NUDT19: variants seen among roughly 807,000 people sequenced by gnomAD.
NUDT19 encodes the protein acyl-coenzyme A diphosphatase NUDT19.
NUDT19 carries 31 observed loss-of-function variants against 22.2 expected under a neutral mutation model. The ratio of observed to expected loss-of-function variants is 1.40; its 90% CI spans 1.05 to 1.89. The LOEUF (loss-of-function observed/expected upper bound fraction) is 1.89, where lower values mean the gene tolerates loss of function less well. NUDT19 is among the 40% of genes most tolerant of loss of function. NUDT19 has a pLI of 0.00. For missense variants in NUDT19, 752 were observed against 514.2 expected (o/e 1.46, Z -4.47); for synonymous variants, 325 against 230.8 (o/e 1.41, Z -3.70).
At chr19:32,692,811 C>T in intron 1 of NUDT19, 137 bp downstream of exon 1, 2 of 602,134 alleles carry the variant, frequency 3.3e-6, no homozygotes, top group Middle Eastern at 4.6e-4. Flanking sequence ...CTTAGACGGG[C>T]TGGAAACTCT....
chr19:32,709,431 C>T (rs749858504), intron 2 of NUDT19, 39 bp downstream of exon 2: 50 of 1,528,144 alleles, frequency 3.3e-5, no homozygotes, highest in Admixed American at 2.3e-4. Flanking sequence ...TTAGTATTCA[C>T]ATTCAGTGCC....
intron 2 of NUDT19, among the ~76,000 whole-genome samples, chr19:32,710,990 C>A (rs564708483): frequency 1.3e-5 from 2 of 152,136 alleles, no homozygotes; most frequent in East Asian, 3.9e-4. Context: ...AAGAACAGCC[C>A]ACTTTGAAAC....
rs905136479 is a variant in NUDT19, at chr19:32,712,247, T to G, written c.*290T>G. On this transcript the variant is annotated 3_prime_UTR_variant, in exon 3 of 3. Transcript: ENST00000397061. ...CCGCCACCATGCCCAGCTAATTTTT[T>G]TTTGTATTTTTAGTAGAGACGGGTT... is the stretch of plus-strand genomic sequence containing the variant. 7.5e-6 allele frequency: 2 copies of G among 266,816 alleles called. No individual in the cohort carries two copies. Among genetic ancestry groups the G allele is most frequent in the African/African-American group, 4.6e-5 (2 of 43,274 alleles). The allele number at this position is 266,816 out of a possible 1,614,324, so 16.5% of individuals were successfully genotyped here.
chr19:32,705,644 G>A (rs1968380276), intron 1 of NUDT19, among the ~76,000 whole-genome samples: 1 of 151,072 alleles, frequency 6.6e-6, no homozygotes, highest in South Asian at 2.1e-4. Flanking sequence ...GAGTGCAGTG[G>A]CGTGGTCTTG....
intron 1 of NUDT19, among the ~76,000 whole-genome samples, chr19:32,703,335 T>C (rs967669248): frequency 2.6e-5 from 4 of 152,062 alleles, no homozygotes; most frequent in African/African-American, 7.3e-5. Context: ...AAATGTCTTA[T>C]GTTTACCTGC....
At chr19:32,705,285 A>G (rs1968376103) in intron 1 of NUDT19, among the ~76,000 whole-genome samples, 1 of 151,566 alleles carries the variant, frequency 6.6e-6, no homozygotes, top group Non-Finnish European at 1.5e-5. Context: ...TTAGCCAGTC[A>G]TGGTGGTGGG....
rs1968352541 is a variant in NUDT19 at position 32,703,137 on chromosome 19, G to T, written c.715-6048G>T. On this transcript the variant is annotated intron_variant, in intron 1 of 2. Transcript: ENST00000397061. ...CTGCCTCAGCTTCCCCAGTAGCTGGGATTGTAGGCATACGCCACCACGCCC... is the reference window on the plus strand; with the variant it reads ...CTGCCTCAGCTTCCCCAGTAGCTGGTATTGTAGGCATACGCCACCACGCCC... Among the ~76,000 whole-genome samples the T allele has an allele frequency of 3.3e-5, 5 of 152,110 alleles. No homozygotes were observed. The South Asian group carries it at 1.0e-3, about 31-fold the overall frequency.
At chr19:32,693,631 G>A (rs964788326) in intron 1 of NUDT19, among the ~76,000 whole-genome samples, 5 of 151,236 alleles carry the variant, frequency 3.3e-5, no homozygotes, top group Non-Finnish European at 7.4e-5. Context: ...CATTTTTACA[G>A]AGTGCGGATT....
chr19:32,691,999 G>C lies in NUDT19; in HGVS notation c.39G>C (p.Arg13=). 1 of 1,236,358 alleles carries C rather than the reference G, an allele frequency of 8.1e-7. No individual in the cohort carries two copies. The highest frequency in any genetic ancestry group is 1.0e-6 in the Non-Finnish European group (1 of 992,408). The allele number at this position is 1,236,358 out of a possible 1,614,324, so 76.6% of individuals were successfully genotyped here. A position where few individuals can be genotyped will look rare whatever the true frequency, so the allele number is the denominator to read the frequency against. Residue 13 remains arginine, a synonymous_variant, in exon 1 of 3, where the codon CGG becomes CGC. Coordinates refer to ENST00000397061, the MANE Select transcript of NUDT19 (RefSeq NM_001105570.2). ...SSLRPGPSRW[R]RAASIVLAAG... is the part of the protein sequence containing the mutation. ...TGCGGCCGGGCCCCAGCCGCTGGCG[G>C]CGGGCGGCCAGCATCGTCCTGGCGG...
chr19:32,704,459 G>A (rs1456209828), intron 1 of NUDT19, among the ~76,000 whole-genome samples: 1 of 151,496 alleles, frequency 6.6e-6, no homozygotes, highest in Non-Finnish European at 1.5e-5. Context: ...ACGGGGTTTC[G>A]CCATGTTGGT....
chr19:32,706,339 C>T (rs891619078), intron 1 of NUDT19, among the ~76,000 whole-genome samples: 14 of 152,174 alleles, frequency 9.2e-5, no homozygotes, highest in Middle Eastern at 6.8e-3. Flanking sequence ...AGAGAGAGAC[C>T]ACATTCACCA....
At chr19:32,702,805 T>G (rs1196375206) in intron 1 of NUDT19, among the ~76,000 whole-genome samples, 2 of 152,218 alleles carry the variant, frequency 1.3e-5, no homozygotes, top group East Asian at 1.9e-4. Flanking sequence ...CTGTTTTATT[T>G]CCATTATTAA....
chr19:32,711,862 T>C lies in NUDT19; in HGVS notation c.1033T>C (p.Tyr345His), dbSNP rs1223507429. 6.2e-7 allele frequency: 1 copy of C among 1,613,532 alleles called. No individual in the cohort carries two copies. Reference protein sequence around the residue: ...EGKQFHRIVTYHRHLYDIHVT... With the variant: ...EGKQFHRIVTHHRHLYDIHVT... ...CAAGCAGTTTCACCGGATAGTGACA[T>C]ACCATCGCCACCTTTATGATATCCA... is the stretch of plus-strand genomic sequence containing the variant. Residue 345 changes from tyrosine (Y) to histidine (H), a missense_variant, in exon 3 of 3, where the codon TAC becomes CAC. Transcript: ENST00000397061.
intron 1 of NUDT19, among the ~76,000 whole-genome samples, chr19:32,707,267 T>C (rs899257061): frequency 6.6e-6 from 1 of 152,150 alleles, no homozygotes; most frequent in African/African-American, 2.4e-5. Context: ...ATAGAGAGAT[T>C]GGGTGGTCCT....
At position 32,712,133 on chromosome 19, in the gene NUDT19, G is replaced by A; in HGVS notation, c.*176G>A. On this transcript the variant is annotated 3_prime_UTR_variant, in exon 3 of 3. Transcript: ENST00000397061. Reference sequence around the variant, plus strand: ...TCTGTCGCCCAGGCTGGAGTGCAGTGGCATGATATAGGCTCACTGGAAGCT... The same window carrying A: ...TCTGTCGCCCAGGCTGGAGTGCAGTAGCATGATATAGGCTCACTGGAAGCT... The A allele has an allele frequency of 1.7e-6, 1 of 580,870 alleles. No individual in the cohort carries two copies. The highest frequency in any genetic ancestry group is 3.0e-6 in the Non-Finnish European group (1 of 328,152). The allele number at this position is 580,870 out of a possible 1,614,324, so 36.0% of individuals were successfully genotyped here. A position where few individuals can be genotyped will look rare whatever the true frequency, so the allele number is the denominator to read the frequency against.
rs781771272 is a variant in NUDT19 at position 32,692,112 on chromosome 19, C to G, written c.152C>G (p.Pro51Arg). 18 of 1,427,430 alleles carry G rather than the reference C, an allele frequency of 1.3e-5. No individual in the cohort carries two copies. The East Asian group carries it at 4.8e-4, about 38-fold the overall frequency. The allele number at this position is 1,427,430 out of a possible 1,614,324, so 88.4% of individuals were successfully genotyped here. ...CGGCTGCTGCTGCTGCAGCGCTCCC[C>G]GCACCAAGGCTTCATGCCGGGCGCG... is the stretch of plus-strand genomic sequence containing the variant. ...GFRLLLLQRS[P>R]HQGFMPGAHV... Residue 51 changes from proline to arginine, a missense_variant, in exon 1 of 3, where the codon CCG (proline) becomes CGG (arginine). By Grantham distance (103) the Pro-to-Arg change is moderately radical (BLOSUM62 -2). Coordinates refer to ENST00000397061, the MANE Select transcript of NUDT19 (RefSeq NM_001105570.2).
intron 1 of NUDT19, among the ~76,000 whole-genome samples, chr19:32,693,440 T>G (rs1329469421): frequency 1.3e-5 from 2 of 152,220 alleles, no homozygotes; most frequent in Non-Finnish European, 1.5e-5. Context: ...ATAAAGGTAG[T>G]GCGGACCCAA....
Position 32,709,343 on chromosome 19 carries a change from G to T in NUDT19, c.873G>T (p.Trp291Cys), listed in dbSNP as rs776126058. The change falls in exon 2 of 3, where the codon TGG (tryptophan) becomes TGT (cysteine). Residue 291 changes from tryptophan (W) to cysteine (C), a missense_variant. Coordinates refer to ENST00000397061, the MANE Select transcript of NUDT19 (RefSeq NM_001105570.2). ...GTGCATTAGAAGGACTGGAAAGGTG[G>T]CTGCCGATCATCTTGTTAACTGCTG... ...LGRALEGLERWLPIILLTADG... is the reference protein window; with the variant it reads ...LGRALEGLERCLPIILLTADG... The T allele has an allele frequency of 1.2e-6, 2 of 1,614,050 alleles. No individual in the cohort carries two copies. The highest frequency in any genetic ancestry group is 2.2e-5 in the East Asian group (1 of 44,896).
In NUDT19 at chr19:32,713,149, A is replaced by T. The variant is rs751184102; in HGVS notation, c.*1192A>T. The T allele has an allele frequency of 9.2e-5, 14 of 151,992 alleles. No homozygotes were observed. The highest frequency in any genetic ancestry group is 9.7e-5 in the African/African-American group (4 of 41,392). 9.4% of individuals were successfully genotyped at this position (151,992 alleles called of 1,614,324 possible). On this transcript the variant is annotated 3_prime_UTR_variant, in exon 3 of 3. Transcript: ENST00000397061. ...AGAAATCGATTTTAGTTAACATTTT[A>T]TTTTATTTTATTCTATTTTATTTAT...
Sources: allele counts gnomAD v4.1 joint callset (sites outside exome capture counted in the v4.1 genomes callset), GRCh38; gene constraint gnomAD v4.1.1; transcripts MANE v1.5; gene names NCBI Gene and HGNC (gene_info 2026-07-23, HGNC 2026-07-21).